The following STAG1 variants were observed in gnomAD, a reference collection of about 807,000 sequenced individuals.
STAG1 encodes the protein STAG1 cohesin complex component.
Under a neutral mutation model 170.9 loss-of-function variants are expected in STAG1, and 26 were observed. The observed-to-expected ratio is 0.15, with a 90% CI of 0.11 to 0.21. The LOEUF is 0.21. STAG1 is among the 10% of genes least tolerant of loss of function. The probability of loss-of-function intolerance (pLI) is 1.00; values close to 1 mark genes in which losing one functional copy is unlikely to be tolerated. For missense variants in STAG1, 964 were observed against 1,509.5 expected, an observed-to-expected ratio of 0.64 and a Z score of 5.99; for synonymous variants, 514 against 497.7, an observed-to-expected ratio of 1.03 and a Z score of -0.44.
intron 1 of STAG1, among the ~76,000 whole-genome samples, chr3:136,692,289 G>C (rs1304217479): frequency 7.1e-6 from 1 of 140,012 alleles, no homozygotes; most frequent in Non-Finnish European, 1.5e-5. Flanking sequence ...ACTCCAGCCT[G>C]GGTGACTAAG....
intron 16 of STAG1, among the ~76,000 whole-genome samples, chr3:136,425,752 ATATC>A (rs113440292): frequency 4.7e-5 from 7 of 149,698 alleles, no homozygotes; most frequent in African/African-American, 1.5e-4. Context: ...ATATACATAT[ATATC>A]TATAAAAGAA....
chr3:136,464,218 G>A (rs1357939269), intron 13 of STAG1, among the ~76,000 whole-genome samples: 1 of 151,992 alleles, frequency 6.6e-6, no homozygotes, highest in Non-Finnish European at 1.5e-5. Flanking sequence ...GAGGTCGGGA[G>A]TTCGACACCG....
chr3:136,339,249 A>G (rs1048471486), intron 32 of STAG1, among the ~76,000 whole-genome samples: 3 of 152,212 alleles, frequency 2.0e-5, no homozygotes, highest in Admixed American at 2.0e-4. Flanking sequence ...GATAAAAAAA[A>G]TAAATTTCTG....
intron 4 of STAG1, among the ~76,000 whole-genome samples, chr3:136,588,591 T>C (rs916803800): frequency 6.6e-6 from 1 of 152,114 alleles, no homozygotes; most frequent in South Asian, 2.1e-4. Context: ...CCACCTGCCT[T>C]GGCCTCCCAA....
intron 18 of STAG1, 59 bp from the exon 19 acceptor site, chr3:136,422,672 T>A (rs2087992416): frequency 2.6e-6 from 4 of 1,550,822 alleles, no homozygotes; most frequent in Non-Finnish European, 1.7e-6. Context: ...AAATAAAAAA[T>A]TAGCATCTGT....
intron 1 of STAG1, among the ~76,000 whole-genome samples, chr3:136,682,806 G>C (rs977087058): frequency 1.3e-5 from 2 of 152,112 alleles, no homozygotes; most frequent in Non-Finnish European, 2.9e-5. Flanking sequence ...CTCTCCAAGA[G>C]ATATTTATAC....
chr3:136,529,279 T>C (rs1935241429), intron 6 of STAG1, among the ~76,000 whole-genome samples: 1 of 152,166 alleles, frequency 6.6e-6, no homozygotes, highest in Non-Finnish European at 1.5e-5. Flanking sequence ...TAGCAAGAGA[T>C]ACAGACATTT....
intron 13 of STAG1, among the ~76,000 whole-genome samples, chr3:136,457,233 G>A (rs771294138): frequency 1.1e-4 from 16 of 152,086 alleles, no homozygotes; most frequent in Non-Finnish European, 2.4e-4. Flanking sequence ...TAGCTTGGAT[G>A]GAATCCAAGG....
chr3:136,513,313 T>C (rs1235397689), intron 7 of STAG1, among the ~76,000 whole-genome samples: 1 of 151,526 alleles, frequency 6.6e-6, no homozygotes, highest in Non-Finnish European at 1.5e-5. Context: ...GCCAAGATCG[T>C]GCCACCGTAC....
intron 5 of STAG1, among the ~76,000 whole-genome samples, chr3:136,554,983 T>A (rs918411365): frequency 6.6e-6 from 1 of 151,534 alleles, no homozygotes; most frequent in African/African-American, 2.4e-5. Context: ...AAAGCTATAA[T>A]TAGGAATTAG....
intron 1 of STAG1, among the ~76,000 whole-genome samples, chr3:136,633,637 T>C (rs1354088219): frequency 7.3e-6 from 1 of 136,110 alleles, no homozygotes; most frequent in East Asian, 2.2e-4. Context: ...AAGGCAGAGG[T>C]TGCAGTGAGC....
intron 7 of STAG1, among the ~76,000 whole-genome samples, chr3:136,509,520 C>A (rs1013549719): frequency 6.6e-6 from 1 of 151,276 alleles, no homozygotes; most frequent in African/African-American, 2.4e-5. Context: ...AAGAGGAAGA[C>A]AGAAGCAAGG....
chr3:136,398,488 G>A (rs571406631), intron 22 of STAG1, among the ~76,000 whole-genome samples: 12 of 152,102 alleles, frequency 7.9e-5, no homozygotes, highest in Admixed American at 2.0e-4. Context: ...TTTTATATAA[G>A]AAGTTTTAAT....
intron 3 of STAG1, among the ~76,000 whole-genome samples, chr3:136,607,220 A>G (rs1005226270): frequency 1.3e-5 from 2 of 152,166 alleles, no homozygotes; most frequent in African/African-American, 2.4e-5. Context: ...GTCACTATGT[A>G]TAGCCCACAT....
At chr3:136,682,239 A>C (rs965593471) in intron 1 of STAG1, among the ~76,000 whole-genome samples, 8 of 151,932 alleles carry the variant, frequency 5.3e-5, no homozygotes, top group Non-Finnish European at 1.5e-5. Context: ...AGCCTGGGAA[A>C]CATGGTGAAA....
At chr3:136,431,549 C>T (rs915431807) in intron 16 of STAG1, among the ~76,000 whole-genome samples, 1 of 152,192 alleles carries the variant, frequency 6.6e-6, no homozygotes, top group African/African-American at 2.4e-5. Flanking sequence ...GGATTACAGG[C>T]GTGAACCACT....
At chr3:136,634,700 A>C (rs1940480509) in intron 1 of STAG1, among the ~76,000 whole-genome samples, 1 of 152,106 alleles carries the variant, frequency 6.6e-6, no homozygotes, top group Non-Finnish European at 1.5e-5. Flanking sequence ...CAAAGGCAGC[A>C]AACTGAAGAA....
intron 1 of STAG1, among the ~76,000 whole-genome samples, chr3:136,649,515 A>G (rs1288623518): frequency 6.6e-6 from 1 of 151,422 alleles, no homozygotes; most frequent in Non-Finnish European, 1.5e-5. Flanking sequence ...AAAAAAAAAA[A>G]AAAAAAAGAA....
chr3:136,589,135 C>T (rs1339842715), intron 4 of STAG1, among the ~76,000 whole-genome samples: 2 of 152,056 alleles, frequency 1.3e-5, no homozygotes, highest in African/African-American at 4.8e-5. Flanking sequence ...AGGTGATCCG[C>T]CTGTCTTGGC....
Sources: gnomAD v4.1 joint callset for allele counts (sites outside exome capture counted in the v4.1 genomes callset) on GRCh38, gnomAD v4.1.1 for gene constraint, MANE v1.5 for transcripts, NCBI Gene and HGNC (gene_info 2026-07-23, HGNC 2026-07-21) for gene names.